Variants in BMS1 observed in about 807,000 individuals in gnomAD.
BMS1 encodes the protein ribosome biogenesis protein BMS1 homolog.
In BMS1, 53 loss-of-function variants were observed where a neutral mutation model predicts 138.7. The observed-to-expected ratio is 0.38, with a 90% CI of 0.31 to 0.48. The LOEUF is 0.48. BMS1 is among the 20% of genes least tolerant of loss of function. BMS1 has a pLI of 0.97. For synonymous variants in BMS1, 504 were observed against 539.9 expected (o/e 0.93, Z 0.92); for missense variants, 1,360 against 1,565.5 (o/e 0.87, Z 2.22).
At chr10:42,810,752 A>G (rs1362903372) in intron 13 of BMS1, among the ~76,000 whole-genome samples, 1 of 152,146 alleles carries the variant, frequency 6.6e-6, no homozygotes, top group East Asian at 1.9e-4. Context: ...AGGTGTTTCA[A>G]GTCTTGTTAG....
At chr10:42,811,020 T>C (rs1029204309) in intron 13 of BMS1, among the ~76,000 whole-genome samples, 1 of 151,096 alleles carries the variant, frequency 6.6e-6, no homozygotes, top group Non-Finnish European at 1.5e-5. Context: ...TTCAATGTTA[T>C]TGATTTCTGC....
chr10:42,804,554 ATTATT>A (rs1311420210), intron 13 of BMS1, among the ~76,000 whole-genome samples: 8 of 152,094 alleles, frequency 5.3e-5, no homozygotes, highest in Admixed American at 3.9e-4. Context: ...TCTTTTGTAC[ATTATT>A]TTAATTTTGT....
intron 15 of BMS1, among the ~76,000 whole-genome samples, chr10:42,819,315 C>T (rs1842436295): frequency 6.6e-6 from 1 of 152,208 alleles, no homozygotes; most frequent in Non-Finnish European, 1.5e-5. Flanking sequence ...TCGAGATGCA[C>T]GTCAGTGCTT....
rs200659179 is a variant in BMS1 at position 42,804,731 on chromosome 10, T to A, written c.2329+2513T>A. 1.2e-4 allele frequency among the ~76,000 whole-genome samples: 5 copies of A among 42,426 alleles called. No homozygotes were observed. In the East Asian group the frequency reaches 4.4e-3, roughly 37 times the overall value. 27.8% of individuals were successfully genotyped at this position (42,426 alleles called of 152,430 possible). ...TGTAGGTCAATTTATCAAAAAAAAA[T>A]TTTTTTTTTTTTGGGATGGAGTCTT... On this transcript the variant is annotated intron_variant, in intron 13 of 22. Coordinates refer to ENST00000374518, the MANE Select transcript of BMS1 (RefSeq NM_014753.4).
rs576996662 is a variant in BMS1, at chr10:42,809,829, AG to A, written c.2330-6768del. ...GAGACATGGTCTTCCTCTGTCACCC[AG>A]GCTGGAGTGCAGTGGTGCGATCATG... On this transcript the variant is annotated intron_variant, in intron 13 of 22. Transcript: ENST00000374518. 6.6e-5 allele frequency among the ~76,000 whole-genome samples: 10 copies of A among 152,262 alleles called. No individual in the cohort carries two copies. The East Asian group carries it at 1.9e-3, about 29-fold the overall frequency.
chr10:42,815,142 A>G (rs1842307863), intron 13 of BMS1, among the ~76,000 whole-genome samples: 1 of 152,172 alleles, frequency 6.6e-6, no homozygotes. Context: ...TCAGGTTGTA[A>G]CTGTGCTAAA....
At position 42,797,106 on chromosome 10, in the gene BMS1, C is replaced by G; in HGVS notation, c.1862C>G (p.Ser621Cys). ...EAIRKKLSKP[S>C]QVSSGQKLGP... The stretch of plus-strand genomic sequence containing the variant: ...ATTAGAAAAAAGCTTTCAAAGCCTT[C>G]TCAAGTGAGCAGTGGTCAGAAACTG... The change falls in exon 10 of 23, where the codon TCT becomes TGT. Residue 621 changes from serine to cysteine, a missense_variant. This residue lies in a region of BMS1 where 697 missense variants were observed against 686.2 expected (regional missense o/e 1.02). Transcript: ENST00000374518. The G allele has an allele frequency of 6.2e-7, 1 of 1,614,226 alleles. No individual in the cohort carries two copies. The highest frequency in any genetic ancestry group is 8.5e-7 in the Non-Finnish European group (1 of 1,180,038).
At position 42,796,693 on chromosome 10, in the gene BMS1, CA is replaced by C; in HGVS notation, c.1452del (p.Lys484AsnfsTer78). On this transcript the variant is annotated frameshift_variant, in exon 10 of 23. Coordinates refer to ENST00000374518, the MANE Select transcript of BMS1 (RefSeq NM_014753.4). LOFTEE classifies it high-confidence loss of function. The stretch of plus-strand genomic sequence containing the variant: ...ATCAGTATATGGCTGTTAAGGGCAT[CA>C]AACGACGGAAACTTGAGTTGGAAGA... ...TDQYMAVKGI[K>X]RRKLELEEDS... 1 of 1,614,164 alleles carries C rather than the reference CA, an allele frequency of 6.2e-7. No homozygotes were observed. Among genetic ancestry groups the C allele is most frequent in the Non-Finnish European group, 8.5e-7 (1 of 1,180,044 alleles).
At chr10:42,821,952 T>C (rs1842515278) in intron 18 of BMS1, 110 bp from the exon 19 acceptor site, 5 of 1,154,980 alleles carry the variant, frequency 4.3e-6, no homozygotes, top group Non-Finnish European at 6.3e-6. Flanking sequence ...CTTGTTTTTC[T>C]TAGCTAATTG....
At chr10:42,784,933 T>G (rs1453396301) in intron 2 of BMS1, among the ~76,000 whole-genome samples, 1 of 152,250 alleles carries the variant, frequency 6.6e-6, no homozygotes, top group Non-Finnish European at 1.5e-5. Flanking sequence ...CTTTATTTAG[T>G]GAGCCCTTGT....
At chr10:42,818,300 C>G (rs1405389722) in intron 15 of BMS1, among the ~76,000 whole-genome samples, 1 of 152,200 alleles carries the variant, frequency 6.6e-6, no homozygotes, top group East Asian at 1.9e-4. Context: ...GTTTTTGCTT[C>G]ACACCATTTA....
intron 21 of BMS1, among the ~76,000 whole-genome samples, chr10:42,826,360 G>T (rs1241027009): frequency 6.6e-6 from 1 of 151,740 alleles, no homozygotes; most frequent in African/African-American, 2.4e-5. Context: ...CTATTTTTGC[G>T]AAGAGTTTAA....
chr10:42,792,892 T>C (rs1243921489), intron 7 of BMS1, 65 bp from the exon 8 acceptor site: 5 of 1,519,038 alleles, frequency 3.3e-6, no homozygotes, highest in Non-Finnish European at 4.5e-6. Context: ...TTTAACCCCC[T>C]AGTCAATGGT....
intron 4 of BMS1, among the ~76,000 whole-genome samples, chr10:42,789,505 T>G (rs1211371156): frequency 6.6e-6 from 1 of 152,230 alleles, no homozygotes; most frequent in African/African-American, 2.4e-5. Flanking sequence ...CTGAAATTAT[T>G]TTGCATCTTT....
In BMS1 at chr10:42,833,540, G is replaced by C. The variant is rs1296231789; in HGVS notation, c.*2444G>C. ...CTACAAACCTGGGCAGCATGTGACT[G>C]TACTGACTACTGTAGGCAGTTGTAA... is the stretch of plus-strand genomic sequence containing the variant. On this transcript the variant is annotated 3_prime_UTR_variant, in exon 23 of 23. Transcript: ENST00000374518. The C allele has an allele frequency of 2.0e-5, 3 of 152,230 alleles. No individual in the cohort carries two copies. The highest frequency in any genetic ancestry group is 4.4e-5 in the Non-Finnish European group (3 of 68,054). 9.4% of individuals were successfully genotyped at this position (152,230 alleles called of 1,614,324 possible). A position where few individuals can be genotyped will look rare whatever the true frequency, so the allele number is the denominator to read the frequency against.
intron 12 of BMS1, among the ~76,000 whole-genome samples, chr10:42,799,672 A>G (rs1373310257): frequency 6.6e-6 from 1 of 152,202 alleles, no homozygotes; most frequent in Non-Finnish European, 1.5e-5. Context: ...CCCTGTACTC[A>G]GCACTCAGGC....
At chr10:42,825,970 T>G (rs1477483847) in intron 21 of BMS1, among the ~76,000 whole-genome samples, 1 of 152,254 alleles carries the variant, frequency 6.6e-6, no homozygotes, top group African/African-American at 2.4e-5. Flanking sequence ...AGAGGTTTTA[T>G]CAAGAAAGGT....
chr10:42,809,481 A>G (rs1287915051), intron 13 of BMS1, among the ~76,000 whole-genome samples: 1 of 151,786 alleles, frequency 6.6e-6, no homozygotes, highest in Non-Finnish European at 1.5e-5. Context: ...GGCTGGTCTC[A>G]AACTCCTGAA....
At chr10:42,805,595 A>G (rs1841989822) in intron 13 of BMS1, among the ~76,000 whole-genome samples, 2 of 152,198 alleles carry the variant, frequency 1.3e-5, no homozygotes, top group South Asian at 4.1e-4. Context: ...TCTTAACCAC[A>G]TTGAGTTTTC....
Sources: gnomAD v4.1 joint callset for allele counts (sites outside exome capture counted in the v4.1 genomes callset) on GRCh38, gnomAD v4.1.1 for gene constraint, gnomAD v4.1.1 regional missense constraint, MANE v1.5 for transcripts, NCBI Gene and HGNC (gene_info 2026-07-23, HGNC 2026-07-21) for gene names.